The following STAT4 variants were observed in gnomAD, a reference collection of about 807,000 sequenced individuals.
STAT4 encodes signal transducer and activator of transcription 4.
Under a neutral mutation model 110.5 loss-of-function variants are expected in STAT4, and 42 were observed. That is an observed-to-expected ratio of 0.38 (90% CI 0.30 to 0.49). STAT4 has a LOEUF of 0.49. STAT4 is among the 20% of genes least tolerant of loss of function. The pLI, the probability that STAT4 is intolerant of heterozygous loss-of-function variation, is 0.95. For synonymous variants in STAT4, 284 were observed against 302.2 expected, an observed-to-expected ratio of 0.94 and a Z score of 0.63; for missense variants, 632 against 887.9, an observed-to-expected ratio of 0.71 and a Z score of 3.66.
At chr2:191,076,431 T>C (rs1019927004) in intron 3 of STAT4, 106 bp from the exon 4 acceptor site, 4 of 806,132 alleles carry the variant, frequency 5.0e-6, no homozygotes, top group Admixed American at 5.4e-5. Flanking sequence ...CTATTAAATA[T>C]GTGAAATTAC....
chr2:191,110,519 C>T lies in STAT4; in HGVS notation c.274-34194G>A, dbSNP rs1157659766. Among the ~76,000 whole-genome samples, 4 of 152,124 alleles carry T rather than the reference C, an allele frequency of 2.6e-5. No individual in the cohort carries two copies. The highest frequency in any genetic ancestry group is 4.8e-5 in the African/African-American group (2 of 41,428). On this transcript the variant is annotated intron_variant, in intron 3 of 23. Transcript: ENST00000392320. The surrounding 1 kb of genome is among the most constrained non-coding windows in gnomAD (Gnocchi z 4.5). ...CAGACTTTAGCCTATCTGACATCCA[C>T]GGGTATCTCTAACACACCATTTGGA... is the stretch of plus-strand genomic sequence containing the variant.
chr2:191,087,024 CTTTG>C (rs1383245730), intron 3 of STAT4, among the ~76,000 whole-genome samples: 3 of 152,080 alleles, frequency 2.0e-5, no homozygotes, highest in Non-Finnish European at 4.4e-5. Flanking sequence ...TGACATTCAC[CTTTG>C]TTTTTCTTAT....
rs1697763052 is a variant in STAT4 at position 191,090,526 on chromosome 2, C to A, written c.274-14201G>T. On this transcript the variant is annotated intron_variant, in intron 3 of 23. Coordinates refer to ENST00000392320, the MANE Select transcript of STAT4 (RefSeq NM_003151.4). This position sits in a 1 kb window ranked among gnomAD's most constrained non-coding sequence, Gnocchi z 4.2. ...AAAAATTAGCTGCAGGTATATATAG[C>A]TTGTCTTACCTTATTTATTTATTTT... 6.6e-6 allele frequency among the ~76,000 whole-genome samples: 1 copy of A among 151,902 alleles called. No homozygotes were observed. Among genetic ancestry groups the A allele is most frequent in the Non-Finnish European group, 1.5e-5 (1 of 67,976 alleles).
chr2:191,148,649 G>A (rs562895146), intron 1 of STAT4, among the ~76,000 whole-genome samples: 1 of 152,036 alleles, frequency 6.6e-6, no homozygotes, highest in Non-Finnish European at 1.5e-5. Context: ...CCCCCAAGAA[G>A]CTTCTTTTAT....
rs1699496120 is a variant in STAT4, at chr2:191,147,781, G to A, written c.128+295C>T. Among the ~76,000 whole-genome samples, 1 of 152,264 alleles carries A rather than the reference G, an allele frequency of 6.6e-6. No homozygotes were observed. Among genetic ancestry groups the A allele is most frequent in the South Asian group, 2.1e-4 (1 of 4,818 alleles). ...AAATATTGATTTACATTGAGTCTGT[G>A]ATAGAGAACTGACAATCAATTGATT... is the stretch of plus-strand genomic sequence containing the variant. On this transcript the variant is annotated intron_variant, in intron 2 of 23. Coordinates refer to ENST00000392320, the MANE Select transcript of STAT4 (RefSeq NM_003151.4). This position sits in a 1 kb window ranked among gnomAD's most constrained non-coding sequence, Gnocchi z 4.1.
chr2:191,042,592 T>C lies in STAT4; in HGVS notation c.1252-1444A>G, dbSNP rs1305921601. 6.6e-6 allele frequency among the ~76,000 whole-genome samples: 1 copy of C among 152,160 alleles called. No individual in the cohort carries two copies. The highest frequency in any genetic ancestry group is 1.5e-5 in the Non-Finnish European group (1 of 68,028). ...GTTTTTGTGATAAGTGTATTGTGGTTAGGTTTAAACATTTCTTATATTCTA... is the reference window on the plus strand; with the variant it reads ...GTTTTTGTGATAAGTGTATTGTGGTCAGGTTTAAACATTTCTTATATTCTA... On this transcript the variant is annotated intron_variant, in intron 14 of 23. Coordinates refer to ENST00000392320, the MANE Select transcript of STAT4 (RefSeq NM_003151.4). This position sits in a 1 kb window ranked among gnomAD's most constrained non-coding sequence, Gnocchi z 4.2.
Position 191,095,017 on chromosome 2 carries a change from A to C in STAT4, c.274-18692T>G, listed in dbSNP as rs554719201. ...CAAAAGAGACAAAGAAGGCCATCAC[A>C]TAATGGTAAAGGGATCAATTCAACA... is the stretch of plus-strand genomic sequence containing the variant. On this transcript the variant is annotated intron_variant, in intron 3 of 23. Coordinates refer to ENST00000392320, the MANE Select transcript of STAT4 (RefSeq NM_003151.4). 8.1e-3 allele frequency among the ~76,000 whole-genome samples: 1,226 copies of C among 152,224 alleles called. 12 individuals are homozygous for C. The highest frequency in any genetic ancestry group is 0.017 in the Middle Eastern group (5 of 294).
At position 191,077,502 on chromosome 2, in the gene STAT4, G is replaced by C. The variant is rs1235276690; in HGVS notation, c.274-1177C>G. ...CCCTCAGCCCTCCTCCCTGAAGCTG[G>C]TGTGAATATATATGAAATGACCAAA... On this transcript the variant is annotated intron_variant, in intron 3 of 23. Coordinates refer to ENST00000392320, the MANE Select transcript of STAT4 (RefSeq NM_003151.4). The surrounding 1 kb of genome is among the most constrained non-coding windows in gnomAD (Gnocchi z 4.1). 6.6e-6 allele frequency among the ~76,000 whole-genome samples: 1 copy of C among 152,068 alleles called. No individual in the cohort carries two copies. The highest frequency in any genetic ancestry group is 2.4e-5 in the African/African-American group (1 of 41,388).
chr2:191,094,510 A>T (rs1697902692), intron 3 of STAT4, among the ~76,000 whole-genome samples: 1 of 152,236 alleles, frequency 6.6e-6, no homozygotes, highest in Admixed American at 6.5e-5. Context: ...GTGAAGGAGA[A>T]ATAAAATCCT....
Position 191,140,792 on chromosome 2 carries a change from G to A in STAT4, c.273+5821C>T, listed in dbSNP as rs117138297. 9.4e-3 allele frequency among the ~76,000 whole-genome samples: 1,424 copies of A among 152,250 alleles called. 15 individuals carry two copies. The highest frequency in any genetic ancestry group is 0.049 in the South Asian group (238 of 4,826). On this transcript the variant is annotated intron_variant, in intron 3 of 23. Coordinates refer to ENST00000392320, the MANE Select transcript of STAT4 (RefSeq NM_003151.4). This position sits in a 1 kb window ranked among gnomAD's most constrained non-coding sequence, Gnocchi z 4.4. ...ATAAAAAATACACACGCACAACCAT[G>A]TTTATAGCAGTACAATTCACAATTG...
Position 191,096,100 on chromosome 2 carries a change from C to T in STAT4, c.274-19775G>A, listed in dbSNP as rs570489052. ...GTTGAATCCCTGAATAGACCAATAA[C>T]AGGCTCTGAAATCAAGGAAATAATT... On this transcript the variant is annotated intron_variant, in intron 3 of 23. Coordinates refer to ENST00000392320, the MANE Select transcript of STAT4 (RefSeq NM_003151.4). Among the ~76,000 whole-genome samples the T allele has an allele frequency of 1.2e-4, 18 of 152,268 alleles. No individual in the cohort carries two copies. In the South Asian group the frequency reaches 3.5e-3, roughly 30 times the overall value.
In STAT4 at chr2:191,147,900, G is replaced by C. The variant is rs1699499755; in HGVS notation, c.128+176C>G. Among the ~76,000 whole-genome samples, 1 of 152,124 alleles carries C rather than the reference G, an allele frequency of 6.6e-6. No homozygotes were observed. Among genetic ancestry groups the C allele is most frequent in the South Asian group, 2.1e-4 (1 of 4,832 alleles). The stretch of plus-strand genomic sequence containing the variant: ...ATTAACTTTTCATTTACAATGAATG[G>C]AACCAGAAAGGACAATTATTCCCCT... On this transcript the variant is annotated intron_variant, in intron 2 of 23. Transcript: ENST00000392320. The surrounding 1 kb of genome is among the most constrained non-coding windows in gnomAD (Gnocchi z 4.1).
intron 3 of STAT4, chr2:191,131,681 T>C (rs1574187989): frequency 2.2e-6 from 2 of 924,412 alleles, no homozygotes; most frequent in Non-Finnish European, 2.8e-6. Flanking sequence ...AACATCTGGG[T>C]ATAAAATGTC....
intron 14 of STAT4, among the ~76,000 whole-genome samples, chr2:191,052,024 A>G (rs374160980): frequency 1.0e-4 from 16 of 152,382 alleles, no homozygotes; most frequent in African/African-American, 3.8e-4. Context: ...AGCAGGCTAC[A>G]GGTGCTCACA....
intron 3 of STAT4, among the ~76,000 whole-genome samples, chr2:191,103,758 T>C (rs980978041): frequency 2.6e-5 from 4 of 152,326 alleles, no homozygotes; most frequent in Middle Eastern, 3.4e-3. Context: ...CAACATACAC[T>C]ACAGTTTGTG....
chr2:191,101,080 C>T (rs764500837), intron 3 of STAT4, among the ~76,000 whole-genome samples: 3 of 152,004 alleles, frequency 2.0e-5, no homozygotes, highest in African/African-American at 7.2e-5. Flanking sequence ...GGGTGAGAAA[C>T]AAGTGGGATG....
intron 3 of STAT4, among the ~76,000 whole-genome samples, chr2:191,103,535 C>A (rs1219134652): frequency 6.6e-6 from 1 of 152,108 alleles, no homozygotes; most frequent in African/African-American, 2.4e-5. Context: ...GGAGCTAAAT[C>A]TCTTATCAGA....
In STAT4 at chr2:191,095,804, C is replaced by T. The variant is rs182989934; in HGVS notation, c.274-19479G>A. ...GAGATAGAGACACACACAAAAAAAT[C>T]CTTCAAAAAGTCAATGAATCCAGGA... is the stretch of plus-strand genomic sequence containing the variant. On this transcript the variant is annotated intron_variant, in intron 3 of 23. Transcript: ENST00000392320. 2.0e-5 allele frequency among the ~76,000 whole-genome samples: 3 copies of T among 152,218 alleles called. No homozygotes were observed. The East Asian group carries it at 5.8e-4, about 29-fold the overall frequency.
At chr2:191,119,614 T>C (rs113634771) in intron 3 of STAT4, among the ~76,000 whole-genome samples, 3 of 152,362 alleles carry the variant, frequency 2.0e-5, no homozygotes, top group African/African-American at 7.2e-5. Flanking sequence ...AAATTATCTA[T>C]AGATTTAGTG....
Sources: allele counts gnomAD v4.1 joint callset (sites outside exome capture counted in the v4.1 genomes callset), GRCh38; gene constraint gnomAD v4.1.1; non-coding constraint Gnocchi (gnomAD v3.1); transcripts MANE v1.5; gene names NCBI Gene and HGNC (gene_info 2026-07-23, HGNC 2026-07-21).